Variants in ZNF536 observed in about 807,000 individuals in gnomAD.
ZNF536 encodes zinc finger protein 536.
ZNF536 carries 13 observed loss-of-function variants against 84.5 expected under a neutral mutation model. The ratio of observed to expected loss-of-function variants is 0.15; its 90% CI spans 0.10 to 0.24. The LOEUF (loss-of-function observed/expected upper bound fraction) is 0.24. Among genes scored for constraint, ZNF536 ranks in the 10% least tolerant of loss-of-function variants. The probability of loss-of-function intolerance (pLI) is 1.00; values close to 1 mark genes in which losing one functional copy is unlikely to be tolerated. For missense variants in ZNF536, 1,536 were observed against 1,747.5 expected (o/e 0.88, Z 2.16); for synonymous variants, 811 against 742.5 (o/e 1.09, Z -1.50).
At chr19:30,316,058 G>A (rs1309990028) in intron 2 of ZNF536, among the ~76,000 whole-genome samples, 4 of 152,012 alleles carry the variant, frequency 2.6e-5, no homozygotes, top group Admixed American at 6.5e-5. Context: ...TTTTCTTTTC[G>A]ACATTACGCT....
intron 1 of ZNF536, among the ~76,000 whole-genome samples, chr19:30,405,261 C>T (rs951003260): frequency 5.3e-5 from 8 of 152,178 alleles, no homozygotes; most frequent in African/African-American, 1.9e-4. Context: ...TAGAGTCCTG[C>T]CTTGGGGCAG....
chr19:30,571,881 A>T (rs1324880898), intron 1 of ZNF536, among the ~76,000 whole-genome samples: 2 of 152,196 alleles, frequency 1.3e-5, no homozygotes, highest in African/African-American at 4.8e-5. Flanking sequence ...GTCACATTTG[A>T]TAGGGAGGTT....
intron 2 of ZNF536, among the ~76,000 whole-genome samples, chr19:30,476,140 C>T (rs1227172090): frequency 6.6e-6 from 1 of 152,182 alleles, no homozygotes; most frequent in East Asian, 1.9e-4. Context: ...ATTCTTCAGC[C>T]TTTTCCTCCC....
chr19:30,424,234 T>G (rs1001810180), intron 1 of ZNF536, among the ~76,000 whole-genome samples: 4 of 152,124 alleles, frequency 2.6e-5, no homozygotes, highest in Non-Finnish European at 5.9e-5. Flanking sequence ...ACACACACAG[T>G]GGGCTGCAGG....
intron 1 of ZNF536, among the ~76,000 whole-genome samples, chr19:30,436,206 G>C (rs541813593): frequency 6.6e-6 from 1 of 152,274 alleles, no homozygotes; most frequent in Non-Finnish European, 1.5e-5. Flanking sequence ...ACTTGACTCT[G>C]TTGGTTACAC....
intron 1 of ZNF536, among the ~76,000 whole-genome samples, chr19:30,390,742 G>A (rs2049551075): frequency 6.6e-6 from 1 of 152,200 alleles, no homozygotes; most frequent in South Asian, 2.1e-4. Flanking sequence ...AGCCCCGTGA[G>A]CTTACTGGAG....
chr19:30,500,441 C>G (rs955836547), intron 2 of ZNF536, among the ~76,000 whole-genome samples: 6 of 151,412 alleles, frequency 4.0e-5, no homozygotes, highest in African/African-American at 1.5e-4. Flanking sequence ...GGTCTCACAA[C>G]CCCGGGCTCA....
intron 1 of ZNF536, among the ~76,000 whole-genome samples, chr19:30,266,612 G>T (rs1432850910): frequency 1.3e-5 from 2 of 152,110 alleles, no homozygotes; most frequent in African/African-American, 4.8e-5. Flanking sequence ...ATATTAAAAA[G>T]AAAATTTTTT....
intron 2 of ZNF536, among the ~76,000 whole-genome samples, chr19:30,455,678 G>A (rs543975550): frequency 6.6e-6 from 1 of 152,194 alleles, no homozygotes; most frequent in Non-Finnish European, 1.5e-5. Flanking sequence ...TCCAGCCTGG[G>A]CAACAGAGCA....
At chr19:30,244,767 G>C (rs577186591) in intron 1 of ZNF536, among the ~76,000 whole-genome samples, 5 of 152,312 alleles carry the variant, frequency 3.3e-5, no homozygotes, top group Non-Finnish European at 7.4e-5. Context: ...GGCCAGGATC[G>C]GGGTGGCGAT....
rs143517400 is a variant in ZNF536 at position 30,635,775 on chromosome 19, G to A, written c.170-74982G>A. ...CTGCCTCCCATTACCATTTCATTACGCGACAGCAGACCCATACACAGATCC... is the reference window on the plus strand; with the variant it reads ...CTGCCTCCCATTACCATTTCATTACACGACAGCAGACCCATACACAGATCC... On this transcript the variant is annotated intron_variant, in intron 1 of 1. Coordinates refer to the ZNF536 transcript ENST00000592773. 2.3e-3 allele frequency among the ~76,000 whole-genome samples: 357 copies of A among 152,316 alleles called. 2 individuals carry two copies. The highest frequency in any genetic ancestry group is 7.9e-3 in the African/African-American group (328 of 41,572).
At chr19:30,340,014 C>A (rs757769783) in intron 2 of ZNF536, among the ~76,000 whole-genome samples, 1 of 152,284 alleles carries the variant, frequency 6.6e-6, no homozygotes, top group Admixed American at 6.5e-5. Flanking sequence ...GGTGGACTCC[C>A]CATGAATCCT....
rs5827722 is a variant in ZNF536 at position 30,620,347 on chromosome 19, AACACACAC to A, written c.169+70851_169+70858del. Reference sequence around the variant, plus strand: ...TAAACGTTCACTCAAACATTTTTAAAACACACACACACACACACACACACAAATACAAA... The same window carrying A: ...TAAACGTTCACTCAAACATTTTTAAAACACACACACACACACAAATACAAA... On this transcript the variant is annotated intron_variant, in intron 1 of 1. Coordinates refer to the ZNF536 transcript ENST00000592773. Among the ~76,000 whole-genome samples, 408 of 150,424 alleles carry A rather than the reference AACACACAC, an allele frequency of 2.7e-3. 1 individual carries two copies. Among genetic ancestry groups the A allele is most frequent in the African/African-American group, 9.7e-3 (398 of 41,042 alleles).
intron 1 of ZNF536, among the ~76,000 whole-genome samples, chr19:30,396,610 T>C (rs2049830689): frequency 6.7e-6 from 1 of 149,922 alleles, no homozygotes; most frequent in Admixed American, 6.7e-5. Context: ...TTTTTTTTTT[T>C]TTGAGACAAA....
At chr19:30,565,567 T>G (rs965882496) in intron 1 of ZNF536, among the ~76,000 whole-genome samples, 1 of 152,250 alleles carries the variant, frequency 6.6e-6, no homozygotes, top group South Asian at 2.1e-4. Flanking sequence ...CAGTCTTTTT[T>G]CTTTTTCTTT....
At chr19:30,391,828 A>G (rs1033409526) in intron 1 of ZNF536, among the ~76,000 whole-genome samples, 1 of 152,170 alleles carries the variant, frequency 6.6e-6, no homozygotes, top group Non-Finnish European at 1.5e-5. Flanking sequence ...CCCCTTAGCT[A>G]GCTGTCTTTG....
At chr19:30,301,725 A>C (rs961092764) in intron 2 of ZNF536, among the ~76,000 whole-genome samples, 1 of 152,184 alleles carries the variant, frequency 6.6e-6, no homozygotes, top group Non-Finnish European at 1.5e-5. Context: ...GTTTCGATTA[A>C]ATTTTTTATT....
At chr19:30,267,900 CACAG>C in intron 1 of ZNF536, among the ~76,000 whole-genome samples, 1 of 152,062 alleles carries the variant, frequency 6.6e-6, no homozygotes, top group Middle Eastern at 3.4e-3. Flanking sequence ...CACACACACA[CACAG>C]AAAGAGAGAG....
chr19:30,489,707 T>C (rs1289361702), intron 2 of ZNF536, among the ~76,000 whole-genome samples: 3 of 152,208 alleles, frequency 2.0e-5, no homozygotes, highest in Non-Finnish European at 4.4e-5. Context: ...TTTAATCAGA[T>C]TTAAATAAAT....
Sources: allele counts gnomAD v4.1 joint callset (sites outside exome capture counted in the v4.1 genomes callset), GRCh38; gene constraint gnomAD v4.1.1; transcripts MANE v1.5; gene names NCBI Gene and HGNC (gene_info 2026-07-23, HGNC 2026-07-21).